Variants in AGBL4 observed in about 807,000 individuals in gnomAD.
The protein encoded by AGBL4 is AGBL carboxypeptidase 4, also known as cytosolic carboxypeptidase 6.
A neutral mutation model predicts 66.4 loss-of-function variants in AGBL4; 58 were observed. The ratio of observed to expected loss-of-function variants is 0.87; its 90% confidence interval spans 0.71 to 1.09. AGBL4 has a LOEUF of 1.09. Among genes scored for constraint, AGBL4 ranks in the 50% least tolerant of loss-of-function variants. AGBL4 has a pLI of 0.00. For synonymous variants in AGBL4, 234 were observed against 222.9 expected, an observed-to-expected ratio of 1.05 and a Z score of -0.44; for missense variants, 579 against 631.0, an observed-to-expected ratio of 0.92 and a Z score of 0.88.
intron 4 of AGBL4, among the ~76,000 whole-genome samples, chr1:49,101,179 C>T (rs1405108084): frequency 6.6e-6 from 1 of 151,500 alleles, no homozygotes; most frequent in Non-Finnish European, 1.5e-5. Context: ...TTCTAAGGAA[C>T]TTTTTATTCT....
chr1:48,776,814 C>A, intron 6 of AGBL4: 1 of 1,521,504 alleles, frequency 6.6e-7, no homozygotes, highest in Non-Finnish European at 8.8e-7. Flanking sequence ...CCTCCAGGAA[C>A]CGCACAAAGG....
intron 1 of AGBL4, among the ~76,000 whole-genome samples, chr1:49,969,340 TTG>T (rs1423781004): frequency 6.6e-6 from 1 of 152,100 alleles, no homozygotes; most frequent in Non-Finnish European, 1.5e-5. Flanking sequence ...CCTGCCCTCT[TTG>T]TGTGTGTATA....
chr1:49,395,876 G>GC (rs200605773), intron 3 of AGBL4, among the ~76,000 whole-genome samples: 6,275 of 129,912 alleles, frequency 0.048, 519 homozygotes, highest in African/African-American at 0.17. Flanking sequence ...TATATATATA[G>GC]CCAGTGGTCC....
At chr1:49,636,897 G>C (rs1294067602) in intron 3 of AGBL4, among the ~76,000 whole-genome samples, 1 of 152,156 alleles carries the variant, frequency 6.6e-6, no homozygotes, top group East Asian at 1.9e-4. Context: ...TGTCTGTGAA[G>C]GTATTGCCAA....
chr1:48,807,806 C>A (rs1446770789), intron 6 of AGBL4, among the ~76,000 whole-genome samples: 1 of 151,574 alleles, frequency 6.6e-6, no homozygotes, highest in Non-Finnish European at 1.5e-5. Flanking sequence ...CCATTGGTAA[C>A]CCCCGAGTTG....
At chr1:48,630,611 C>G (rs1645577398) in intron 9 of AGBL4, among the ~76,000 whole-genome samples, 1 of 152,210 alleles carries the variant, frequency 6.6e-6, no homozygotes, top group Admixed American at 6.5e-5. Flanking sequence ...GCAGCAAACT[C>G]TAATGGTCTC....
chr1:49,147,514 A>C (rs1646241154), intron 4 of AGBL4, among the ~76,000 whole-genome samples: 1 of 152,192 alleles, frequency 6.6e-6, no homozygotes, highest in Non-Finnish European at 1.5e-5. Context: ...AGGCAGAAGC[A>C]GTAATGTGAC....
chr1:48,866,453 A>G (rs1299206919), intron 6 of AGBL4, among the ~76,000 whole-genome samples: 1 of 152,182 alleles, frequency 6.6e-6, no homozygotes, highest in African/African-American at 2.4e-5. Context: ...TATTTTGAAT[A>G]TCACCCATGG....
chr1:49,672,812 C>T (rs1474203407), intron 3 of AGBL4, among the ~76,000 whole-genome samples: 2 of 150,244 alleles, frequency 1.3e-5, no homozygotes, highest in African/African-American at 4.9e-5. Context: ...ATCCCAGCTA[C>T]TAGGGGGCTG....
intron 3 of AGBL4, among the ~76,000 whole-genome samples, chr1:49,451,366 C>A (rs947935012): frequency 2.6e-5 from 4 of 151,966 alleles, no homozygotes; most frequent in African/African-American, 4.8e-5. Flanking sequence ...TTGCAAAAAT[C>A]AATTTTGCCA....
At chr1:48,608,112 T>C (rs1557825108) in intron 9 of AGBL4, among the ~76,000 whole-genome samples, 1 of 152,172 alleles carries the variant, frequency 6.6e-6, no homozygotes, top group Non-Finnish European at 1.5e-5. Context: ...TTGTTCAAGA[T>C]GCCAATGATT....
At chr1:49,625,984 T>C (rs1645456614) in intron 3 of AGBL4, among the ~76,000 whole-genome samples, 1 of 152,162 alleles carries the variant, frequency 6.6e-6, no homozygotes, top group Admixed American at 6.6e-5. Flanking sequence ...CTCTACTCAA[T>C]GTGTTCATCT....
intron 4 of AGBL4, among the ~76,000 whole-genome samples, chr1:49,135,128 C>A (rs1357859577): frequency 1.3e-5 from 2 of 151,942 alleles, no homozygotes. Flanking sequence ...TGGCTCTGTC[C>A]TGCCTGGCTC....
intron 3 of AGBL4, among the ~76,000 whole-genome samples, chr1:49,372,198 G>A (rs780492429): frequency 8.6e-5 from 13 of 151,998 alleles, no homozygotes; most frequent in Middle Eastern, 3.2e-3. Flanking sequence ...ATCCCAGAAC[G>A]CTCAAGGCTC....
At chr1:48,813,339 T>G (rs975179354) in intron 6 of AGBL4, among the ~76,000 whole-genome samples, 1 of 152,130 alleles carries the variant, frequency 6.6e-6, no homozygotes, top group Non-Finnish European at 1.5e-5. Flanking sequence ...GCTTGTGAGA[T>G]GAACTGGCAG....
In AGBL4 at chr1:48,955,582, A is replaced by G. The variant is rs576824291; in HGVS notation, c.595-88352T>C. Among the ~76,000 whole-genome samples, 7 of 152,278 alleles carry G rather than the reference A, an allele frequency of 4.6e-5. No homozygotes were observed. The East Asian group carries it at 1.2e-3, about 25-fold the overall frequency. The stretch of plus-strand genomic sequence containing the variant: ...ACCAAGGCTGCAGTGCAGTAGTGCA[A>G]TCATAGCTCACTACAGCCTCAAACT... On this transcript the variant is annotated intron_variant, in intron 5 of 13. Transcript: ENST00000371839.
At chr1:49,752,022 C>G (rs781763867) in intron 2 of AGBL4, among the ~76,000 whole-genome samples, 2 of 151,302 alleles carry the variant, frequency 1.3e-5, no homozygotes, top group African/African-American at 4.9e-5. Context: ...TTTCAAAAAA[C>G]CAGCTCCTGG....
chr1:48,531,150 G>T (rs1005589396), downstream of AGBL4, among the ~76,000 whole-genome samples: 3 of 152,076 alleles, frequency 2.0e-5, no homozygotes, highest in African/African-American at 7.2e-5. Context: ...TGGAAAAGCA[G>T]ACAGTCATCT....
At chr1:49,179,257 A>G (rs1460383297) in intron 4 of AGBL4, among the ~76,000 whole-genome samples, 2 of 152,198 alleles carry the variant, frequency 1.3e-5, no homozygotes, top group Non-Finnish European at 2.9e-5. Context: ...GAATGATAGT[A>G]ACTTAAATAC....
Sources: allele counts gnomAD v4.1 joint callset (sites outside exome capture counted in the v4.1 genomes callset), GRCh38; gene constraint gnomAD v4.1.1; transcripts MANE v1.5; gene names NCBI Gene and HGNC (gene_info 2026-07-23, HGNC 2026-07-21).